The following AR variants were observed in gnomAD, a reference collection of about 807,000 sequenced individuals.
The protein encoded by AR is androgen receptor, also known as dihydrotestosterone receptor.
Under a neutral mutation model 53.9 loss-of-function variants are expected in AR, and 8 were observed. The observed-to-expected ratio is 0.15, with a 90% CI of 0.09 to 0.27. AR has a LOEUF of 0.27. Among genes scored for constraint, AR ranks in the 10% least tolerant of loss-of-function variants. The pLI, the probability that AR is intolerant of heterozygous loss-of-function variation, is 1.00. For missense variants in AR, 639 were observed against 742.5 expected (o/e 0.86, Z 1.62); for synonymous variants, 359 against 316.4 (o/e 1.13, Z -1.43).
At chrX:67,595,315 C>A (rs766521031) in intron 1 of AR, among the ~76,000 whole-genome samples, 69 of 108,977 alleles carry the variant, frequency 6.3e-4, no homozygotes, top group Non-Finnish European at 1.1e-3. Flanking sequence ...ACAAAATGAG[C>A]TTGAGAAAAA....
chrX:67,643,172 G>T, intron 1 of AR, 84 bp from the exon 2 acceptor site: 2 of 1,096,473 alleles, frequency 1.8e-6, no homozygotes, highest in Admixed American at 2.2e-5. Context: ...ATGCCTGCAG[G>T]TTAATGCTGA....
chrX:67,633,998 A>G (rs189997899), intron 1 of AR, among the ~76,000 whole-genome samples: 1 of 111,730 alleles, frequency 9.0e-6, no homozygotes, highest in East Asian at 2.8e-4. Flanking sequence ...AATAGATGTG[A>G]GTATGCTAAA....
chrX:67,673,036 G>C (rs890459316), intron 2 of AR, among the ~76,000 whole-genome samples: 9 of 106,328 alleles, frequency 8.5e-5, no homozygotes, highest in Non-Finnish European at 1.3e-4. Context: ...TCTATTCTAG[G>C]GTAAAAGTTT....
At chrX:67,611,352 A>G (rs1197606164) in intron 1 of AR, among the ~76,000 whole-genome samples, 1 of 110,998 alleles carries the variant, frequency 9.0e-6, no homozygotes, top group African/African-American at 3.3e-5. Context: ...TTGGCCATTT[A>G]TGTTTCTTTC....
intron 2 of AR, among the ~76,000 whole-genome samples, chrX:67,684,767 A>G (rs1348297659): frequency 8.9e-6 from 1 of 112,090 alleles, no homozygotes; most frequent in African/African-American, 3.2e-5. Flanking sequence ...TACTACATAA[A>G]ATAGCCTACT....
At chrX:67,720,576 T>C (rs545012126) in intron 5 of AR, among the ~76,000 whole-genome samples, 3 of 111,769 alleles carry the variant, frequency 2.7e-5, no homozygotes, top group African/African-American at 9.8e-5. Context: ...GCTCAATTGA[T>C]TTGTGATACC....
intron 2 of AR, among the ~76,000 whole-genome samples, chrX:67,678,462 A>T (rs886234431): frequency 3.6e-5 from 4 of 112,067 alleles, no homozygotes; most frequent in Admixed American, 1.9e-4. Flanking sequence ...ATGTTGCTGC[A>T]AATGACAGAC....
Position 67,546,333 on chromosome X carries a change from G to T in AR, c.1187G>T (p.Gly396Val). 1 of 1,193,397 alleles carries T rather than the reference G, an allele frequency of 8.4e-7. No individual in the cohort carries two copies. The highest frequency in any genetic ancestry group is 1.1e-6 in the Non-Finnish European group (1 of 886,873). Residue 396 changes from glycine to valine, a missense_variant, in exon 1 of 8, where the codon GGC becomes GTC. Around this residue, in one of 5 missense-constraint regions of AR, gnomAD observed 423 missense variants for 377.0 expected, o/e 1.12. Transcript: ENST00000374690. Reference sequence around the variant, plus strand: ...AAGCTGGAGAACCCGCTGGACTACGGCAGCGCCTGGGCGGCTGCGGCGGCG... The same window carrying T: ...AAGCTGGAGAACCCGCTGGACTACGTCAGCGCCTGGGCGGCTGCGGCGGCG... ...RIKLENPLDY[G>V]SAWAAAAAQC...
At chrX:67,664,626 A>T (rs1927153751) in intron 2 of AR, among the ~76,000 whole-genome samples, 1 of 112,015 alleles carries the variant, frequency 8.9e-6, no homozygotes, top group South Asian at 3.7e-4. Flanking sequence ...TGGGAGAACC[A>T]CTACTCTCTT....
chrX:67,599,499 G>A (rs2147374270), intron 1 of AR, among the ~76,000 whole-genome samples: 1 of 111,685 alleles, frequency 9.0e-6, no homozygotes, highest in Admixed American at 9.5e-5. Context: ...TTGTCTTCCA[G>A]TTACCAGAAT....
At chrX:67,689,678 G>A (rs2075985478) in intron 3 of AR, 2 of 873,616 alleles carry the variant, frequency 2.3e-6, no homozygotes, top group Non-Finnish European at 2.8e-6. Context: ...CTTTGTAGAT[G>A]ATTCATTCCT....
chrX:67,566,174 G>A (rs1204039), intron 1 of AR, among the ~76,000 whole-genome samples: 38,079 of 111,049 alleles, frequency 0.34, 8,954 homozygotes, highest in African/African-American at 0.86. Context: ...AGTTAAATGA[G>A]CATTTCATTT....
intron 3 of AR, chrX:67,695,810 C>CT (rs2147508725): frequency 1.4e-6 from 1 of 738,290 alleles, no homozygotes; most frequent in African/African-American, 2.4e-5. Flanking sequence ...CACACACACT[C>CT]TCTCTCTCTC....
chrX:67,601,750 C>T (rs747205881), intron 1 of AR, among the ~76,000 whole-genome samples: 2 of 112,055 alleles, frequency 1.8e-5, no homozygotes, highest in East Asian at 5.6e-4. Context: ...TAAGGTTCAC[C>T]TTTTACCCAT....
In AR at chrX:67,723,897, T is replaced by C; in HGVS notation, c.*56T>C. The stretch of plus-strand genomic sequence containing the variant: ...CTCATGCCCCCTTTCAGATGTCTTC[T>C]GCCTGTTATAACTCTGCACTACTCC... On this transcript the variant is annotated 3_prime_UTR_variant, in exon 8 of 8. Transcript: ENST00000374690. The C allele has an allele frequency of 8.4e-7, 1 of 1,184,380 alleles. No individual in the cohort carries two copies. Among genetic ancestry groups the C allele is most frequent in the Admixed American group, 2.2e-5 (1 of 46,033 alleles).
rs187390636 is a variant in AR, at chrX:67,703,645, T to G, written c.1886-7757T>G. On this transcript the variant is annotated intron_variant, in intron 3 of 7. Transcript: ENST00000374690. ...CAATATGTATGTTACAGTGCATTTT[T>G]TTAAATATTTTTTATTATACTTTAA... Among the ~76,000 whole-genome samples the G allele has an allele frequency of 7.8e-3, 879 of 112,240 alleles. 6 individuals carry two copies. Among genetic ancestry groups the G allele is most frequent in the Non-Finnish European group, 1.0e-2 (532 of 53,262 alleles).
chrX:67,621,236 C>T (rs1924359683), intron 1 of AR, among the ~76,000 whole-genome samples: 1 of 111,325 alleles, frequency 9.0e-6, no homozygotes, highest in Non-Finnish European at 1.9e-5. Flanking sequence ...AAATTTCCCC[C>T]AAATGATGAA....
chrX:67,605,490 C>T (rs974027752), intron 1 of AR, among the ~76,000 whole-genome samples: 24 of 111,753 alleles, frequency 2.1e-4, no homozygotes, highest in African/African-American at 7.5e-4. Context: ...TGTGAGATGA[C>T]TCACCCTTTT....
chrX:67,545,613 A>G lies in AR; in HGVS notation c.467A>G (p.Asp156Gly), dbSNP rs2147316586. The change falls in exon 1 of 8, where the codon GAT becomes GGT. Residue 156 changes from aspartate to glycine, a missense_variant. Coordinates refer to ENST00000374690, the MANE Select transcript of AR (RefSeq NM_000044.6). ...CAGCTGCCAGCACCTCCGGACGAGG[A>G]TGACTCAGCTGCCCCATCCACGTTG... ...PQQLPAPPDEDDSAAPSTLSL... is the reference protein window; with the variant it reads ...PQQLPAPPDEGDSAAPSTLSL... 2 of 1,189,641 alleles carry G rather than the reference A, an allele frequency of 1.7e-6. No individual in the cohort carries two copies. The highest frequency in any genetic ancestry group is 2.3e-6 in the Non-Finnish European group (2 of 884,369).
Sources: allele counts gnomAD v4.1 joint callset (sites outside exome capture counted in the v4.1 genomes callset), GRCh38; gene constraint gnomAD v4.1.1; regional missense constraint gnomAD v4.1.1; transcripts MANE v1.5; gene names NCBI Gene and HGNC (gene_info 2026-07-23, HGNC 2026-07-21).